DPF3: variants seen among roughly 807,000 people sequenced by gnomAD.
DPF3 encodes double PHD fingers 3, also known as zinc finger protein DPF3.
In DPF3, 18 loss-of-function variants were observed where a neutral mutation model predicts 56.8. The observed-to-expected ratio is 0.32, with a 90% CI of 0.22 to 0.47. DPF3 has a LOEUF of 0.47. Ranked by LOEUF, DPF3 falls within the 20% of genes least tolerant of loss-of-function variation. The pLI, the probability that DPF3 is intolerant of heterozygous loss-of-function variation, is 1.00. For missense variants in DPF3, 403 were observed against 488.8 expected (o/e 0.82, Z 1.65); for synonymous variants, 188 against 180.2 (o/e 1.04, Z -0.35).
At chr14:72,796,583 C>A (rs1418164597) in intron 1 of DPF3, among the ~76,000 whole-genome samples, 1 of 152,140 alleles carries the variant, frequency 6.6e-6, no homozygotes, top group Non-Finnish European at 1.5e-5. Context: ...GCATGTAAAA[C>A]CTTTGGCATG....
chr14:72,893,990 C>A, intron 1 of DPF3, 67 bp downstream of exon 1: 2 of 1,595,284 alleles, frequency 1.3e-6, no homozygotes, highest in Non-Finnish European at 8.5e-7. Context: ...GCGCTCGCCA[C>A]GCAGAAGGCG....
At chr14:72,811,893 G>A (rs1346344513) in intron 1 of DPF3, among the ~76,000 whole-genome samples, 1 of 151,974 alleles carries the variant, frequency 6.6e-6, no homozygotes, top group Non-Finnish European at 1.5e-5. Context: ...CTTGCTCCAG[G>A]GCACCCAGCC....
chr14:72,711,272 G>A (rs1875570269), intron 6 of DPF3, among the ~76,000 whole-genome samples: 1 of 152,192 alleles, frequency 6.6e-6, no homozygotes, highest in African/African-American at 2.4e-5. Flanking sequence ...TGTGGAGAAT[G>A]AAATTTAACT....
rs552423482 is a variant in DPF3, at chr14:72,725,189, TC to T, written c.430-1462del. Among the ~76,000 whole-genome samples, 22 of 152,240 alleles carry T rather than the reference TC, an allele frequency of 1.4e-4. No homozygotes were observed. The South Asian group carries it at 4.4e-3, about 30-fold the overall frequency. ...TAGGCAAGCTGCAAAATGGCTACAG[TC>T]CCAGCCCCAAATGGACTTTCCAGTC... is the stretch of plus-strand genomic sequence containing the variant. On this transcript the variant is annotated intron_variant, in intron 4 of 10. Transcript: ENST00000556509.
chr14:72,838,076 G>A (rs1884371032), intron 1 of DPF3, among the ~76,000 whole-genome samples: 1 of 152,200 alleles, frequency 6.6e-6, no homozygotes, highest in Non-Finnish European at 1.5e-5. Context: ...AGGGGAATGG[G>A]GCCATCTGAC....
At chr14:72,691,086 A>C (rs1232560037) in intron 7 of DPF3, among the ~76,000 whole-genome samples, 2 of 152,174 alleles carry the variant, frequency 1.3e-5, no homozygotes, top group Admixed American at 6.5e-5. Flanking sequence ...AGAAGACCTC[A>C]GTGTTGGAGC....
At chr14:72,762,187 CATTAT>C (rs1891094289) in intron 2 of DPF3, among the ~76,000 whole-genome samples, 1 of 151,840 alleles carries the variant, frequency 6.6e-6, no homozygotes, top group Non-Finnish European at 1.5e-5. Context: ...CTTCCCAACT[CATTAT>C]ATGAGACCAG....
rs1052567953 is a variant in DPF3 at position 72,876,604 on chromosome 14, C to G, written c.32+17453G>C. 1.8e-4 allele frequency among the ~76,000 whole-genome samples: 28 copies of G among 152,196 alleles called. 1 individual carries two copies. The highest frequency in any genetic ancestry group is 7.4e-5 in the Non-Finnish European group (5 of 68,026). On this transcript the variant is annotated intron_variant, in intron 1 of 10. Transcript: ENST00000556509. ...CCTCCATGCAGTCCTTCCCATCTGG[C>G]CTTCCTTCCCTCAGAAAGGAAGGGT...
chr14:72,664,742 C>A (rs1373135160), intron 8 of DPF3, among the ~76,000 whole-genome samples: 1 of 152,222 alleles, frequency 6.6e-6, no homozygotes, highest in Non-Finnish European at 1.5e-5. Flanking sequence ...TTTGGTAAGA[C>A]TTCCACTAAT....
chr14:72,753,237 C>A, intron 3 of DPF3, 27 bp downstream of exon 3: 1 of 1,607,622 alleles, frequency 6.2e-7, no homozygotes, highest in Non-Finnish European at 8.5e-7. Flanking sequence ...CCATCACAGA[C>A]CCAGCCAAGC....
chr14:72,792,359 C>T (rs750683358), intron 1 of DPF3, among the ~76,000 whole-genome samples: 1 of 152,130 alleles, frequency 6.6e-6, no homozygotes, highest in Non-Finnish European at 1.5e-5. Flanking sequence ...TCCCTGAGAA[C>T]ACCGCTCAAG....
intron 6 of DPF3, among the ~76,000 whole-genome samples, chr14:72,695,624 T>G (rs1189623579): frequency 6.6e-6 from 1 of 152,178 alleles, no homozygotes; most frequent in East Asian, 1.9e-4. Context: ...CTGTGTAATA[T>G]TCCACGGAAT....
chr14:72,861,743 G>GAAAGAGAAAGAAAGAAAT (rs1480375834), intron 1 of DPF3, among the ~76,000 whole-genome samples: 1 of 114,022 alleles, frequency 8.8e-6, no homozygotes, highest in Non-Finnish European at 1.8e-5. Context: ...GAAAGAGAAA[G>GAAAGAGAAAGAAAGAAAT]AAAGAAAGAA....
chr14:72,846,158 C>T (rs1206239352), intron 1 of DPF3, among the ~76,000 whole-genome samples: 2 of 145,640 alleles, frequency 1.4e-5, no homozygotes, highest in African/African-American at 5.1e-5. Flanking sequence ...TCACCCAGGC[C>T]GGAATACAAT....
intron 1 of DPF3, chr14:72,892,326 T>G: frequency 6.5e-7 from 1 of 1,535,416 alleles, no homozygotes; most frequent in Admixed American, 2.0e-5. Flanking sequence ...TACGCCCATT[T>G]ATTCTGCCAT....
At chr14:72,853,034 C>CATGT (rs1555513225) in intron 1 of DPF3, among the ~76,000 whole-genome samples, 2 of 144,002 alleles carry the variant, frequency 1.4e-5, no homozygotes, top group African/African-American at 5.1e-5. Context: ...CATAGCCTTG[C>CATGT]GTGTGTGTGT....
chr14:72,800,861 A>T (rs1022452605), intron 1 of DPF3, among the ~76,000 whole-genome samples: 1 of 152,230 alleles, frequency 6.6e-6, no homozygotes, highest in Non-Finnish European at 1.5e-5. Flanking sequence ...GAACCTACAC[A>T]CAAATAGGCA....
chr14:72,622,461 C>T (rs1481395990), intron 9 of DPF3, among the ~76,000 whole-genome samples: 1 of 152,062 alleles, frequency 6.6e-6, no homozygotes, highest in Non-Finnish European at 1.5e-5. Flanking sequence ...AGGATGGAGA[C>T]AGAAAACAGA....
intron 6 of DPF3, among the ~76,000 whole-genome samples, chr14:72,700,371 G>A (rs752371828): frequency 5.9e-5 from 9 of 152,120 alleles, no homozygotes; most frequent in African/African-American, 9.7e-5. Flanking sequence ...AAGGGCCCCC[G>A]CATTTTCATT....
Sources: allele counts gnomAD v4.1 joint callset (sites outside exome capture counted in the v4.1 genomes callset), GRCh38; gene constraint gnomAD v4.1.1; transcripts MANE v1.5; gene names NCBI Gene and HGNC (gene_info 2026-07-23, HGNC 2026-07-21).